Variants in TMEM74 observed in about 807,000 individuals in gnomAD.
The protein encoded by TMEM74 is transmembrane protein 74.
In TMEM74, 13 loss-of-function variants were observed where a neutral mutation model predicts 18.1. The ratio of observed to expected loss-of-function variants is 0.72; its 90% CI spans 0.47 to 1.14. TMEM74 has a LOEUF of 1.14. TMEM74 is among the 50% of genes most tolerant of loss of function. The pLI is 0.00. For missense variants in TMEM74, 372 were observed against 375.9 expected (o/e 0.99, Z 0.09); for synonymous variants, 159 against 146.6 (o/e 1.08, Z -0.61).
intron 1 of TMEM74, among the ~76,000 whole-genome samples, chr8:108,753,013 C>T (rs964004642): frequency 1.3e-5 from 2 of 152,074 alleles, no homozygotes; most frequent in Non-Finnish European, 2.9e-5. Flanking sequence ...ACTTTTGTCA[C>T]ATCCTTCTCT....
At chr8:108,648,118 T>C (rs1433669279) in intron 2 of TMEM74, among the ~76,000 whole-genome samples, 1 of 152,170 alleles carries the variant, frequency 6.6e-6, no homozygotes, top group Non-Finnish European at 1.5e-5. Flanking sequence ...CCCGTTTTTT[T>C]GCATCCAGGT....
chr8:108,697,154 C>T (rs1813288543), intron 1 of TMEM74, among the ~76,000 whole-genome samples: 1 of 152,102 alleles, frequency 6.6e-6, no homozygotes, highest in Admixed American at 6.5e-5. Context: ...GATCATCTGT[C>T]TCATTTTCCC....
At chr8:108,661,074 A>G (rs909172438) in intron 1 of TMEM74, among the ~76,000 whole-genome samples, 2 of 152,112 alleles carry the variant, frequency 1.3e-5, no homozygotes, top group African/African-American at 4.8e-5. Flanking sequence ...TAGGGACCTG[A>G]AAAAAATTCC....
chr8:108,758,084 A>G (rs764460309), intron 1 of TMEM74, among the ~76,000 whole-genome samples: 3 of 152,114 alleles, frequency 2.0e-5, no homozygotes, highest in Non-Finnish European at 4.4e-5. Context: ...AATGAATTCT[A>G]TAAGAATTTT....
chr8:108,774,756 ATTTT>A (rs71305916), downstream of TMEM74, among the ~76,000 whole-genome samples: 294 of 121,216 alleles, frequency 2.4e-3, 1 homozygote, highest in African/African-American at 8.7e-3. Flanking sequence ...CCTTCCTTTA[ATTTT>A]TTTTTTTTTT....
rs574434498 is a variant in TMEM74, at chr8:108,692,714, AAAAC to A, written n.120-37281_120-37278del. On this transcript the variant is annotated intron_variant and non_coding_transcript_variant, in intron 1 of 3. Transcript: ENST00000518838. ...GCAAAAAACCCCCAACCAATCAACA[AAAAC>A]AAACAAACAAATAAATAAATGCATG... is the stretch of plus-strand genomic sequence containing the variant. Among the ~76,000 whole-genome samples the A allele has an allele frequency of 1.2e-3, 185 of 152,272 alleles. 1 individual carries two copies. Among genetic ancestry groups the A allele is most frequent in the Admixed American group, 8.0e-3 (123 of 15,284 alleles).
rs927943551 is a variant in TMEM74 at position 108,773,072 on chromosome 8, T to C, written n.119+14404A>G. Among the ~76,000 whole-genome samples the C allele has an allele frequency of 3.3e-5, 5 of 152,074 alleles. No homozygotes were observed. In the South Asian group the frequency reaches 8.3e-4, roughly 25 times the overall value. On this transcript the variant is annotated intron_variant and non_coding_transcript_variant, in intron 1 of 3. Coordinates refer to the TMEM74 transcript ENST00000518838. Reference sequence around the variant, plus strand: ...CAACTATGGGTATTTTGATTGAGAATTGGGCAAATTTGGCACTGAAAAGGA... The same window carrying C: ...CAACTATGGGTATTTTGATTGAGAACTGGGCAAATTTGGCACTGAAAAGGA...
At chr8:108,658,888 A>T (rs991432578) in intron 1 of TMEM74, among the ~76,000 whole-genome samples, 1 of 152,276 alleles carries the variant, frequency 6.6e-6, no homozygotes, top group South Asian at 2.1e-4. Context: ...GGAAATAAAA[A>T]TAATAGAAAT....
chr8:108,727,471 G>C (rs1002619330), intron 1 of TMEM74, among the ~76,000 whole-genome samples: 2 of 152,154 alleles, frequency 1.3e-5, no homozygotes, highest in Non-Finnish European at 2.9e-5. Context: ...AAGTGTACAG[G>C]ATATCTTTCA....
intron 1 of TMEM74, among the ~76,000 whole-genome samples, chr8:108,756,599 A>AAAGAAAGAAAGAGAAAGGGAGGAAGG (rs1586286218): frequency 2.3e-4 from 12 of 51,554 alleles, no homozygotes; most frequent in Admixed American, 6.1e-4. Flanking sequence ...AAAGAAAGAG[A>AAAGAAAGAAAGAGAAAGGGAGGAAGG]AAGGAAGGAA....
In TMEM74 at chr8:108,705,845, A is replaced by C. The variant is rs141699170; in HGVS notation, n.120-50408T>G. On this transcript the variant is annotated intron_variant and non_coding_transcript_variant, in intron 1 of 3. Coordinates refer to the TMEM74 transcript ENST00000518838. ...ACAGATACTCTCATTAGAGATGCTC[A>C]CAAGAGAACTTACAGTTTCTAATTA... Among the ~76,000 whole-genome samples, 291 of 152,358 alleles carry C rather than the reference A, an allele frequency of 1.9e-3. 1 individual carries two copies. In the Middle Eastern group the frequency reaches 0.055, roughly 29 times the overall value.
At chr8:108,757,075 T>C (rs1408724839) in intron 1 of TMEM74, among the ~76,000 whole-genome samples, 1 of 152,104 alleles carries the variant, frequency 6.6e-6, no homozygotes, top group Non-Finnish European at 1.5e-5. Context: ...TAGGGGACTA[T>C]ACCCAAAGGA....
At position 108,712,104 on chromosome 8, in the gene TMEM74, G is replaced by C. The variant is rs1270507919; in HGVS notation, n.120-56667C>G. Among the ~76,000 whole-genome samples, 4 of 152,132 alleles carry C rather than the reference G, an allele frequency of 2.6e-5. No homozygotes were observed. In the East Asian group the frequency reaches 7.7e-4, roughly 29 times the overall value. Reference sequence around the variant, plus strand: ...CCACCCCCAGATTACTCAATCAGAAGCTCTGAGGGATGGGGCTTGCAATGT... The same window carrying C: ...CCACCCCCAGATTACTCAATCAGAACCTCTGAGGGATGGGGCTTGCAATGT... On this transcript the variant is annotated intron_variant and non_coding_transcript_variant, in intron 1 of 3. Transcript: ENST00000518838.
intron 2 of TMEM74, among the ~76,000 whole-genome samples, chr8:108,610,700 C>A (rs1812325852): frequency 1.3e-5 from 2 of 152,074 alleles, no homozygotes; most frequent in African/African-American, 4.8e-5. Context: ...AGAAGTGTGT[C>A]TGGGTTAGCA....
intron 1 of TMEM74, among the ~76,000 whole-genome samples, chr8:108,685,652 C>T (rs1169961416): frequency 6.6e-6 from 1 of 151,994 alleles, no homozygotes; most frequent in South Asian, 2.1e-4. Flanking sequence ...GAATGGGAGT[C>T]CTAACAAATG....
intron 1 of TMEM74, among the ~76,000 whole-genome samples, chr8:108,691,780 C>T (rs1004267825): frequency 1.3e-5 from 2 of 152,106 alleles, no homozygotes; most frequent in Non-Finnish European, 2.9e-5. Context: ...TAAGGCATAT[C>T]ACCAAATGGA....
At chr8:108,664,772 G>T (rs919894493) in intron 1 of TMEM74, among the ~76,000 whole-genome samples, 1 of 151,994 alleles carries the variant, frequency 6.6e-6, no homozygotes, top group Non-Finnish European at 1.5e-5. Flanking sequence ...AACAAGTAGA[G>T]GATGTTAAGA....
intron 2 of TMEM74, among the ~76,000 whole-genome samples, chr8:108,627,671 G>A (rs2130548996): frequency 6.6e-6 from 1 of 152,104 alleles, no homozygotes; most frequent in Non-Finnish European, 1.5e-5. Context: ...TACTTCAAGA[G>A]GGTTAAGAAA....
chr8:108,630,431 A>G (rs1255209914), intron 2 of TMEM74, among the ~76,000 whole-genome samples: 1 of 152,054 alleles, frequency 6.6e-6, no homozygotes, highest in African/African-American at 2.4e-5. Context: ...GAGACAGAAA[A>G]TTCACAAGGA....
Sources: allele counts gnomAD v4.1 joint callset (sites outside exome capture counted in the v4.1 genomes callset), GRCh38; gene constraint gnomAD v4.1.1; transcripts MANE v1.5; gene names NCBI Gene and HGNC (gene_info 2026-07-23, HGNC 2026-07-21).